Variants in DGKB observed in about 807,000 individuals in gnomAD.
The protein encoded by DGKB is diacylglycerol kinase beta.
A neutral mutation model predicts 114.3 loss-of-function variants in DGKB; 67 were observed. The observed-to-expected ratio is 0.59, with a 90% CI of 0.48 to 0.72. The LOEUF is 0.72. DGKB is among the 30% of genes least tolerant of loss of function. The pLI, the probability that DGKB is intolerant of heterozygous loss-of-function variation, is 0.00. For missense variants in DGKB, 907 were observed against 975.2 expected, an observed-to-expected ratio of 0.93 and a Z score of 0.93; for synonymous variants, 398 against 323.1, an observed-to-expected ratio of 1.23 and a Z score of -2.49.
chr7:14,551,401 T>C (rs761813217), intron 20 of DGKB, among the ~76,000 whole-genome samples: 3 of 152,210 alleles, frequency 2.0e-5, no homozygotes, highest in Non-Finnish European at 2.9e-5. Context: ...CTGGATATGT[T>C]CTACAAAAAC....
chr7:14,833,108 C>A (rs1279116908), intron 2 of DGKB, among the ~76,000 whole-genome samples: 1 of 152,046 alleles, frequency 6.6e-6, no homozygotes, highest in Non-Finnish European at 1.5e-5. Flanking sequence ...GAATTCGGTT[C>A]ATTCTGCCTC....
intron 23 of DGKB, among the ~76,000 whole-genome samples, chr7:14,194,485 G>A: frequency 6.6e-6 from 1 of 152,096 alleles, no homozygotes; most frequent in South Asian, 2.1e-4. Flanking sequence ...ATTTTTAGAT[G>A]TGGAATAGTA....
chr7:14,810,123 A>G lies in DGKB; in HGVS notation c.70+31071T>C, dbSNP rs78615270. On this transcript the variant is annotated intron_variant, in intron 2 of 25. Transcript: ENST00000402815. The stretch of plus-strand genomic sequence containing the variant: ...AGAATTCGTGCACGTTGCAAACACG[A>G]ATTACTTTTTATATTTGGGAATTGG... Among the ~76,000 whole-genome samples, 108 of 152,320 alleles carry G rather than the reference A, an allele frequency of 7.1e-4. 1 individual carries two copies. In the East Asian group the frequency reaches 0.019, roughly 27 times the overall value.
intron 25 of DGKB, among the ~76,000 whole-genome samples, chr7:14,169,912 A>G (rs1206460192): frequency 6.6e-6 from 1 of 152,080 alleles, no homozygotes; most frequent in Non-Finnish European, 1.5e-5. Context: ...AGGTGGGTGG[A>G]TCACCTGAGG....
intron 1 of DGKB, among the ~76,000 whole-genome samples, chr7:14,852,277 GAAGT>G (rs966028359): frequency 4.7e-5 from 7 of 147,734 alleles, no homozygotes; most frequent in Admixed American, 4.6e-4. Flanking sequence ...TATGCTGAAA[GAAGT>G]GTGTGTGTGT....
At chr7:14,648,228 C>T (rs1813554645) in intron 13 of DGKB, among the ~76,000 whole-genome samples, 1 of 152,214 alleles carries the variant, frequency 6.6e-6, no homozygotes, top group Admixed American at 6.5e-5. Context: ...GTAACCTCTG[C>T]AGACTTAAAT....
At chr7:14,627,798 C>A (rs1808875056) in intron 14 of DGKB, among the ~76,000 whole-genome samples, 1 of 151,760 alleles carries the variant, frequency 6.6e-6, no homozygotes, top group African/African-American at 2.4e-5. Context: ...AAAAAATTAG[C>A]CGGGCGTGGT....
chr7:14,613,200 CATATT>C (rs1563678872), intron 16 of DGKB, 135 bp downstream of exon 16: 1 of 589,308 alleles, frequency 1.7e-6, no homozygotes, highest in African/African-American at 1.9e-5. Context: ...ATCATATAAA[CATATT>C]AAATGCTAGC....
intron 23 of DGKB, among the ~76,000 whole-genome samples, chr7:14,216,113 T>C (rs888209491): frequency 6.6e-6 from 1 of 152,114 alleles, no homozygotes; most frequent in Non-Finnish European, 1.5e-5. Context: ...AAAATGAAGA[T>C]ATACGATTGT....
chr7:14,364,652 C>T (rs1816340173), intron 21 of DGKB, among the ~76,000 whole-genome samples: 1 of 151,910 alleles, frequency 6.6e-6, no homozygotes, highest in South Asian at 2.1e-4. Context: ...ATTTAACAAT[C>T]ATATAATAAT....
chr7:14,905,802 T>A (rs1443796561), upstream of DGKB, among the ~76,000 whole-genome samples: 1 of 152,202 alleles, frequency 6.6e-6, no homozygotes, highest in African/African-American at 2.4e-5. Flanking sequence ...GAAAGTGGTA[T>A]GTGCACAGTA....
At position 14,164,012 on chromosome 7, in the gene DGKB, C is replaced by A. The variant is rs911341170; in HGVS notation, c.2304+12827G>T. Among the ~76,000 whole-genome samples, 21 of 146,472 alleles carry A rather than the reference C, an allele frequency of 1.4e-4. No individual in the cohort carries two copies. In the East Asian group the frequency reaches 3.6e-3, roughly 25 times the overall value. The stretch of plus-strand genomic sequence containing the variant: ...CTCCATCTCAAAAACAAAAAACAAA[C>A]AAAAAAAAAAACAAAATAAAAAACC... On this transcript the variant is annotated intron_variant, in intron 25 of 25. Transcript: ENST00000402815.
At chr7:14,918,752 T>C (rs1784363550) in intron 1 of DGKB, among the ~76,000 whole-genome samples, 1 of 152,054 alleles carries the variant, frequency 6.6e-6, no homozygotes, top group Non-Finnish European at 1.5e-5. Context: ...TATTTTCAGA[T>C]ATTAACAAAA....
At chr7:14,830,728 A>G (rs989237392) in intron 2 of DGKB, among the ~76,000 whole-genome samples, 1 of 152,136 alleles carries the variant, frequency 6.6e-6, no homozygotes, top group Non-Finnish European at 1.5e-5. Context: ...TATCAATGGC[A>G]TGCTGGAGTT....
chr7:14,351,754 AC>A (rs1057131943), intron 21 of DGKB, among the ~76,000 whole-genome samples: 8 of 152,184 alleles, frequency 5.3e-5, no homozygotes, highest in African/African-American at 1.7e-4. Flanking sequence ...GCTTGTAGAA[AC>A]TTGAAACTAC....
At chr7:14,662,402 T>C (rs1817306292) in intron 13 of DGKB, among the ~76,000 whole-genome samples, 1 of 151,940 alleles carries the variant, frequency 6.6e-6, no homozygotes, top group Admixed American at 6.6e-5. Context: ...AATGGGTTTA[T>C]AGTACAGAAA....
At chr7:14,697,200 A>AT (rs1824093831) in intron 8 of DGKB, among the ~76,000 whole-genome samples, 1 of 152,160 alleles carries the variant, frequency 6.6e-6, no homozygotes, top group South Asian at 2.1e-4. Context: ...TCTTAAAAGC[A>AT]TTTTTAGATA....
intron 2 of DGKB, among the ~76,000 whole-genome samples, chr7:14,778,027 A>T (rs2128483143): frequency 6.6e-6 from 1 of 152,354 alleles, no homozygotes; most frequent in Middle Eastern, 3.4e-3. Flanking sequence ...ACATTAATTC[A>T]GATTTCATAT....
At chr7:14,391,009 G>A (rs577796691) in intron 21 of DGKB, among the ~76,000 whole-genome samples, 9 of 152,172 alleles carry the variant, frequency 5.9e-5, no homozygotes, top group African/African-American at 2.2e-4. Flanking sequence ...GTTTTAGAGA[G>A]AATACTTAAT....
Sources: allele counts gnomAD v4.1 joint callset (sites outside exome capture counted in the v4.1 genomes callset), GRCh38; gene constraint gnomAD v4.1.1; transcripts MANE v1.5; gene names NCBI Gene and HGNC (gene_info 2026-07-23, HGNC 2026-07-21).